The following RSF1 variants were observed in gnomAD, a reference collection of about 807,000 sequenced individuals.
RSF1 encodes HBV pX-associated protein 8.
RSF1 carries 13 observed loss-of-function variants against 145.2 expected under a neutral mutation model. The ratio of observed to expected loss-of-function variants is 0.09; its 90% CI spans 0.06 to 0.14. The LOEUF (loss-of-function observed/expected upper bound fraction) is 0.14, where lower values mean the gene tolerates loss of function less well. Ranked by LOEUF, RSF1 falls within the 10% of genes least tolerant of loss-of-function variation. RSF1 has a pLI of 1.00. For synonymous variants in RSF1, 577 were observed against 592.6 expected, an observed-to-expected ratio of 0.97 and a Z score of 0.38; for missense variants, 1,517 against 1,718.2, an observed-to-expected ratio of 0.88 and a Z score of 2.07.
chr11:77,725,629 A>G lies in RSF1; in HGVS notation c.649T>C (p.Ser217Pro). 2 of 1,612,484 alleles carry G rather than the reference A, an allele frequency of 1.2e-6. No homozygotes were observed. The highest frequency in any genetic ancestry group is 1.7e-6 in the Non-Finnish European group (2 of 1,179,208). The change falls in exon 5 of 16, where the codon TCT (serine) becomes CCT (proline). Residue 217 changes from serine (S) to proline (P), a missense_variant. By Grantham distance (74) the Ser-to-Pro change is moderately conservative (BLOSUM62 -1). This residue lies in a region of RSF1 where 207 missense variants were observed against 191.4 expected (regional missense o/e 1.08). Transcript: ENST00000308488. ...AQIDPVLLKN[S>P]SQQDNSSRES... ...CGAGAAGAGTTGTCTTGTTGGCTAGAGTTTTTCAATAGTACAGGATCAATT... is the reference window on the plus strand; with the variant it reads ...CGAGAAGAGTTGTCTTGTTGGCTAGGGTTTTTCAATAGTACAGGATCAATT...
Position 77,701,955 on chromosome 11 carries a change from C to A in RSF1, c.1274G>T (p.Cys425Phe), listed in dbSNP as rs753178189. 3 of 1,613,620 alleles carry A rather than the reference C, an allele frequency of 1.9e-6. No individual in the cohort carries two copies. The highest frequency in any genetic ancestry group is 2.5e-6 in the Non-Finnish European group (3 of 1,179,868). ...KDEIKQEEETCKRISTITALG... is the reference protein window; with the variant it reads ...KDEIKQEEETFKRISTITALG... ...AGCAGTGATTGTAGAGATCCTTTTA[C>A]AAGTCTCTTCCTCTTGTTTTATTTC... The change falls in exon 6 of 16, where the codon TGT becomes TTT. Residue 425 changes from cysteine to phenylalanine, a missense_variant. Coordinates refer to ENST00000308488, the MANE Select transcript of RSF1 (RefSeq NM_016578.4).
Position 77,671,927 on chromosome 11 carries a change from C to T in RSF1, c.3751+115G>A, listed in dbSNP as rs186436291. On this transcript the variant is annotated intron_variant, in intron 15 of 15. Transcript: ENST00000308488. ...GGGATTACAGGCGTGAGCCACCATG[C>T]CTGGCCTGGTTATATGAGTTTCAAA... 49 of 980,002 alleles carry T rather than the reference C, an allele frequency of 5.0e-5. No individual in the cohort carries two copies. In the African/African-American group the frequency reaches 6.0e-4, roughly 12 times the overall value. 60.7% of individuals were successfully genotyped at this position (980,002 alleles called of 1,614,324 possible).
rs1008610072 is a variant in RSF1, at chr11:77,702,360, G to C, written c.869C>G (p.Pro290Arg). The change falls in exon 6 of 16, where the codon CCA becomes CGA. Residue 290 changes from proline to arginine, a missense_variant. Physicochemically the swap from Pro to Arg is moderately radical, Grantham distance 103. Coordinates refer to ENST00000308488, the MANE Select transcript of RSF1 (RefSeq NM_016578.4). ...AGGTTTTTCTAGCTTCACTATGACT[G>C]GCAGTTTCACAAGTTCCTTTTCATC... ...KEDEKELVKL[P>R]VIVKLEKPLP... The C allele has an allele frequency of 6.2e-7, 1 of 1,611,560 alleles. No individual in the cohort carries two copies. Among genetic ancestry groups the C allele is most frequent in the Non-Finnish European group, 8.5e-7 (1 of 1,179,450 alleles).
intron 2 of RSF1, 100 bp downstream of exon 2, chr11:77,764,498 G>A (rs1267233823): frequency 1.4e-6 from 1 of 718,218 alleles, no homozygotes; most frequent in Non-Finnish European, 2.3e-6. Flanking sequence ...CTTACTTTTA[G>A]TAAACTAATT....
At chr11:77,811,760 T>C (rs1948733714) in intron 1 of RSF1, among the ~76,000 whole-genome samples, 1 of 152,196 alleles carries the variant, frequency 6.6e-6, no homozygotes, top group South Asian at 2.1e-4. Context: ...ACAGACTCAA[T>C]ATAACTTGGT....
rs11381383 is a variant in RSF1 at position 77,761,828 on chromosome 11, A to ATTTTTTTT, written c.279+2762_279+2769dup. On this transcript the variant is annotated intron_variant, in intron 2 of 15. Transcript: ENST00000308488. ...TGCTAGTTTAAATTTCCATTCGGTGATTTTTTTTTTTTTTTTTTTTGAGAC... is the reference window on the plus strand; with the variant it reads ...TGCTAGTTTAAATTTCCATTCGGTGATTTTTTTTTTTTTTTTTTTTTTTTTTTTGAGAC... Among the ~76,000 whole-genome samples the ATTTTTTTT allele has an allele frequency of 8.7e-4, 104 of 119,536 alleles. 1 individual carries two copies. Among genetic ancestry groups the ATTTTTTTT allele is most frequent in the African/African-American group, 1.5e-3 (46 of 30,120 alleles). 78.4% of individuals were successfully genotyped at this position (119,536 alleles called of 152,430 possible). A position where few individuals can be genotyped will look rare whatever the true frequency, so the allele number is the denominator to read the frequency against.
chr11:77,794,290 C>G (rs1948550678), intron 1 of RSF1, among the ~76,000 whole-genome samples: 1 of 152,194 alleles, frequency 6.6e-6, no homozygotes, highest in African/African-American at 2.4e-5. Flanking sequence ...CAAAAGAAGT[C>G]TCAATTAATT....
intron 1 of RSF1, among the ~76,000 whole-genome samples, chr11:77,766,057 C>A (rs1356013751): frequency 6.6e-6 from 1 of 151,728 alleles, no homozygotes; most frequent in African/African-American, 2.4e-5. Flanking sequence ...CTAAAATGAT[C>A]AAATATTTGT....
rs141947339 is a variant in RSF1, at chr11:77,698,622, A to G, written c.2580T>C (p.Asp860=). 12 of 1,614,050 alleles carry G rather than the reference A, an allele frequency of 7.4e-6. No homozygotes were observed. In the East Asian group the frequency reaches 2.5e-4, roughly 33 times the overall value. The change falls in exon 7 of 16, where the codon GAT becomes GAC. Residue 860 remains aspartate (D), a synonymous_variant. Transcript: ENST00000308488. ...TTTCACTGCCAGACCCTTCACTTTC[A>G]TCATTGCTGGAATATTTCCATCTGC... ...TRGRWKYSSN[D]ESEGSGSEKS...
chr11:77,842,453 T>G, the RSF1 span: 1 of 1,602,168 alleles, frequency 6.2e-7, no homozygotes, highest in Non-Finnish European at 8.5e-7. Context: ...TATAACTGAT[T>G]TAGTATATTT....
chr11:77,710,968 T>C (rs902554170), intron 5 of RSF1, among the ~76,000 whole-genome samples: 1 of 152,036 alleles, frequency 6.6e-6, no homozygotes, highest in African/African-American at 2.4e-5. Flanking sequence ...ATCAACCATT[T>C]TTCTGATTTT....
intron 1 of RSF1, among the ~76,000 whole-genome samples, chr11:77,778,156 A>T (rs1590881294): frequency 1.9e-4 from 3 of 15,952 alleles, no homozygotes; most frequent in African/African-American, 4.9e-4. Flanking sequence ...GGGGGGAGGG[A>T]AGGGGGAATG....
intron 5 of RSF1, among the ~76,000 whole-genome samples, chr11:77,717,468 GCTC>G (rs1960842747): frequency 6.6e-6 from 1 of 152,168 alleles, no homozygotes; most frequent in South Asian, 2.1e-4. Context: ...GCTAGATGTT[GCTC>G]CTGTTGGCAA....
rs1290415923 is a variant in RSF1 at position 77,661,919 on chromosome 11, C to T, written c.*4998G>A. The T allele has an allele frequency of 6.6e-6, 1 of 151,766 alleles. No homozygotes were observed. Among genetic ancestry groups the T allele is most frequent in the Admixed American group, 6.6e-5 (1 of 15,224 alleles). 9.4% of individuals were successfully genotyped at this position (151,766 alleles called of 1,614,324 possible). Reference sequence around the variant, plus strand: ...TCAATAAATACAGATCAAACAAAACCGCAAAACACTTAAATTAGATTTCTT... The same window carrying T: ...TCAATAAATACAGATCAAACAAAACTGCAAAACACTTAAATTAGATTTCTT... On this transcript the variant is annotated 3_prime_UTR_variant, in exon 16 of 16. Coordinates refer to ENST00000308488, the MANE Select transcript of RSF1 (RefSeq NM_016578.4).
intron 1 of RSF1, among the ~76,000 whole-genome samples, chr11:77,778,688 C>T (rs769844368): frequency 9.2e-5 from 14 of 152,094 alleles, no homozygotes; most frequent in Non-Finnish European, 1.9e-4. Context: ...ACTATGTTGC[C>T]CAGGACTAAA....
chr11:77,671,761 A>G (rs2135811992), intron 15 of RSF1, among the ~76,000 whole-genome samples: 1 of 151,702 alleles, frequency 6.6e-6, no homozygotes, highest in Middle Eastern at 3.4e-3. Context: ...CAACCTCCTG[A>G]GTAGCTAAGA....
intron 5 of RSF1, among the ~76,000 whole-genome samples, chr11:77,711,607 T>C (rs909080573): frequency 2.0e-5 from 3 of 151,934 alleles, no homozygotes; most frequent in African/African-American, 7.3e-5. Flanking sequence ...GAGGTAGAGG[T>C]TGCAGTGAGC....
chr11:77,836,453 C>T, the RSF1 span, among the ~76,000 whole-genome samples: 1 of 152,038 alleles, frequency 6.6e-6, no homozygotes, highest in African/African-American at 2.4e-5. Context: ...ATTTCCAAGC[C>T]AAAAAGGCCT....
rs1490074987 is a variant in RSF1, at chr11:77,667,234, T to C, written c.4009A>G (p.Thr1337Ala). 1.2e-6 allele frequency: 2 copies of C among 1,614,220 alleles called. No homozygotes were observed. Among genetic ancestry groups the C allele is most frequent in the Non-Finnish European group, 1.7e-6 (2 of 1,180,032 alleles). ...CTTTCTATCCGGTAGGGCTTCTTGG[T>C]GCTCTCTTGTTCTGAGGGCAGGACC... ...PRVLPSEQES[T>A]KKPYRIESDE... The change falls in exon 16 of 16, where the codon ACC becomes GCC. Residue 1337 changes from threonine to alanine, a missense_variant. By Grantham distance (58) the Thr-to-Ala change is moderately conservative. Transcript: ENST00000308488.
Sources: gnomAD v4.1 joint callset for allele counts (sites outside exome capture counted in the v4.1 genomes callset) on GRCh38, gnomAD v4.1.1 for gene constraint, gnomAD v4.1.1 regional missense constraint, MANE v1.5 for transcripts, NCBI Gene and HGNC (gene_info 2026-07-23, HGNC 2026-07-21) for gene names.